The following LMX1B variants were observed in gnomAD, a reference collection of about 807,000 sequenced individuals.
LMX1B encodes LIM homeobox transcription factor 1 beta.
A neutral mutation model predicts 51.4 loss-of-function variants in LMX1B; 12 were observed. The observed-to-expected ratio is 0.23, with a 90% CI of 0.15 to 0.38. The LOEUF is 0.38. LMX1B is among the 10% of genes least tolerant of loss of function. LMX1B has a pLI of 1.00. For synonymous variants in LMX1B, 237 were observed against 235.4 expected (o/e 1.01, Z -0.06); for missense variants, 445 against 571.1 (o/e 0.78, Z 2.25).
intron 2 of LMX1B, among the ~76,000 whole-genome samples, chr9:126,663,575 G>A (rs1357038030): frequency 8.5e-5 from 13 of 152,236 alleles, no homozygotes; most frequent in African/African-American, 2.7e-4. Flanking sequence ...GCGGATAATA[G>A]TAACCCTTGT....
chr9:126,684,317 G>A (rs1836733889), intron 2 of LMX1B, among the ~76,000 whole-genome samples: 1 of 152,118 alleles, frequency 6.6e-6, no homozygotes, highest in African/African-American at 2.4e-5. Context: ...CAATTACGGG[G>A]CTTCAGACAA....
At chr9:126,620,788 G>C (rs1192253447) in intron 2 of LMX1B, among the ~76,000 whole-genome samples, 1 of 152,202 alleles carries the variant, frequency 6.6e-6, no homozygotes, top group African/African-American at 2.4e-5. Flanking sequence ...GGCATCTCCA[G>C]GGCCTCCATA....
rs574047188 is a variant in LMX1B, at chr9:126,643,600, C to A, written c.326+28031C>A. On this transcript the variant is annotated intron_variant, in intron 2 of 7. Transcript: ENST00000373474. Reference sequence around the variant, plus strand: ...GTGTACATAGCAATCATTCATTATCCCAGCTGGGACACTTTTGGGCAAAAG... The same window carrying A: ...GTGTACATAGCAATCATTCATTATCACAGCTGGGACACTTTTGGGCAAAAG... Among the ~76,000 whole-genome samples the A allele has an allele frequency of 8.1e-4, 123 of 152,210 alleles. 1 individual carries two copies. The highest frequency in any genetic ancestry group is 3.4e-3 in the Middle Eastern group (1 of 294).
intron 2 of LMX1B, among the ~76,000 whole-genome samples, chr9:126,672,861 C>T (rs1260044330): frequency 6.6e-6 from 1 of 152,198 alleles, no homozygotes; most frequent in Admixed American, 6.5e-5. Flanking sequence ...TAAGCGGAAG[C>T]GTTGGCTTTT....
chr9:126,630,442 G>C (rs540901566), intron 2 of LMX1B, among the ~76,000 whole-genome samples: 8 of 152,150 alleles, frequency 5.3e-5, no homozygotes, highest in Non-Finnish European at 1.2e-4. Context: ...TCACTGGGGG[G>C]GAGGGTTGTT....
rs71377953 is a variant in LMX1B at position 126,682,083 on chromosome 9, CTT to C, written c.327-8729_327-8728del. On this transcript the variant is annotated intron_variant, in intron 2 of 7. Transcript: ENST00000373474. The stretch of plus-strand genomic sequence containing the variant: ...CTTGCAGATACTTGGTCCCCAGGGT[CTT>C]TTTTTTTTTTTTTTTTTTTTTTTAT... 5.0e-3 allele frequency among the ~76,000 whole-genome samples: 266 copies of C among 53,366 alleles called. 2 individuals carry two copies. The highest frequency in any genetic ancestry group is 0.022 in the African/African-American group (253 of 11,752). 35.0% of individuals were successfully genotyped at this position (53,366 alleles called of 152,430 possible). A position where few individuals can be genotyped will look rare whatever the true frequency, so the allele number is the denominator to read the frequency against.
At chr9:126,681,051 C>T (rs1836660762) in intron 2 of LMX1B, among the ~76,000 whole-genome samples, 1 of 152,182 alleles carries the variant, frequency 6.6e-6, no homozygotes, top group Middle Eastern at 3.2e-3. Context: ...CCACAGAAGC[C>T]TCAATATCCC....
chr9:126,632,130 G>T (rs750202111), intron 2 of LMX1B, among the ~76,000 whole-genome samples: 36 of 152,308 alleles, frequency 2.4e-4, no homozygotes, highest in Non-Finnish European at 4.7e-4. Context: ...CAAAATGCAC[G>T]TAAAGAACCT....
At chr9:126,692,352 C>T (rs1241780911) in intron 3 of LMX1B, among the ~76,000 whole-genome samples, 1 of 152,182 alleles carries the variant, frequency 6.6e-6, no homozygotes, top group African/African-American at 2.4e-5. Context: ...AGCGGGAGGC[C>T]CAGTGGTGGC....
At chr9:126,617,249 C>G (rs1835320204) in intron 2 of LMX1B, among the ~76,000 whole-genome samples, 2 of 151,924 alleles carry the variant, frequency 1.3e-5, no homozygotes, top group South Asian at 4.1e-4. Context: ...GCCCTGCACC[C>G]CTGGCCTCAC....
chr9:126,621,655 C>CTTTTTTTTTTTTTTT (rs71377950), intron 2 of LMX1B, among the ~76,000 whole-genome samples: 1 of 116,904 alleles, frequency 8.6e-6, no homozygotes, highest in African/African-American at 4.0e-5. Flanking sequence ...TCTCTCTCTT[C>CTTTTTTTTTTTTTTT]TTTTTTTTTT....
chr9:126,652,270 G>A (rs1445743660), intron 2 of LMX1B, among the ~76,000 whole-genome samples: 2 of 141,870 alleles, frequency 1.4e-5, no homozygotes, highest in African/African-American at 2.6e-5. Context: ...GCCCCTGTGT[G>A]GAGCAGCAGG....
intron 6 of LMX1B, among the ~76,000 whole-genome samples, chr9:126,694,767 C>T (rs990164796): frequency 6.6e-6 from 1 of 152,164 alleles, no homozygotes; most frequent in Admixed American, 6.5e-5. Context: ...TCCCCCTCTG[C>T]CCCTCCTGGG....
chr9:126,639,252 C>T (rs916657751), intron 2 of LMX1B, among the ~76,000 whole-genome samples: 9 of 152,164 alleles, frequency 5.9e-5, no homozygotes, highest in South Asian at 2.1e-4. Context: ...AGCCCAGTGG[C>T]GCTGGGGTCC....
chr9:126,680,940 A>G (rs1836658586), intron 2 of LMX1B, among the ~76,000 whole-genome samples: 1 of 152,148 alleles, frequency 6.6e-6, no homozygotes, highest in Admixed American at 6.5e-5. Flanking sequence ...GATGCAGGGA[A>G]GGATGGTCAG....
intron 2 of LMX1B, among the ~76,000 whole-genome samples, chr9:126,678,231 A>G (rs1768273338): frequency 6.6e-6 from 1 of 151,602 alleles, no homozygotes; most frequent in South Asian, 2.1e-4. Flanking sequence ...AATCGCTTGA[A>G]TCCGGGAGGT....
rs1012810702 is a variant in LMX1B, at chr9:126,614,558, C to T, written c.109C>T (p.Pro37Ser). ...GIKMEEHALR[P>S]GPATLGVLLG... ...CAAGATGGAGGAGCACGCCCTGCGC[C>T]CCGGGCCCGCCACTCTGGGGGTGCT... The change falls in exon 1 of 8, where the codon CCC becomes TCC. Residue 37 changes from proline to serine, a missense_variant. Around this residue, in one of 3 missense-constraint regions of LMX1B, gnomAD observed 273 missense variants for 343.3 expected, o/e 0.80. Transcript: ENST00000373474. 51 of 1,567,954 alleles carry T rather than the reference C, an allele frequency of 3.3e-5. No individual in the cohort carries two copies. The highest frequency in any genetic ancestry group is 4.2e-5 in the Non-Finnish European group (49 of 1,159,086).
chr9:126,615,464 C>T lies in LMX1B; in HGVS notation c.221C>T (p.Ser74Leu), dbSNP rs1835285052. The T allele has an allele frequency of 6.2e-7, 1 of 1,610,034 alleles. No homozygotes were observed. Among genetic ancestry groups the T allele is most frequent in the Non-Finnish European group, 8.5e-7 (1 of 1,178,216 alleles). ...SDRFLMRVNE[S>L]SWHEECLQCA... ...CGCTTCCTGATGCGAGTCAACGAGT[C>T]GTCCTGGCACGAGGAGTGTTTGCAG... The change falls in exon 2 of 8, where the codon TCG (serine) becomes TTG (leucine). Residue 74 changes from serine to leucine, a missense_variant. By Grantham distance (145) the Ser-to-Leu change is moderately radical (BLOSUM62 -2). Coordinates refer to ENST00000373474, the MANE Select transcript of LMX1B (RefSeq NM_001174147.2). The surrounding 1 kb of genome is among the most constrained non-coding windows in gnomAD (Gnocchi z 6.0).
rs540703613 is a variant in LMX1B, at chr9:126,624,887, G to C, written c.326+9318G>C. Among the ~76,000 whole-genome samples, 10 of 152,240 alleles carry C rather than the reference G, an allele frequency of 6.6e-5. No individual in the cohort carries two copies. In the East Asian group the frequency reaches 1.4e-3, roughly 21 times the overall value. ...CAACGGGGAAAGGCGAGCAGGCTCC[G>C]GGGAGGGAGGTGGGGGGAGAGTCCG... On this transcript the variant is annotated intron_variant, in intron 2 of 7. Coordinates refer to ENST00000373474, the MANE Select transcript of LMX1B (RefSeq NM_001174147.2).
Sources: gnomAD v4.1 joint callset for allele counts (sites outside exome capture counted in the v4.1 genomes callset) on GRCh38, gnomAD v4.1.1 for gene constraint, gnomAD v4.1.1 regional missense constraint, Gnocchi (gnomAD v3.1) non-coding constraint, MANE v1.5 for transcripts, NCBI Gene and HGNC (gene_info 2026-07-23, HGNC 2026-07-21) for gene names.